The following CHEK1 variants were observed in gnomAD, a reference collection of about 807,000 sequenced individuals.
CHEK1 encodes the protein checkpoint kinase 1, also known as serine/threonine-protein kinase Chk1.
A neutral mutation model predicts 60.2 loss-of-function variants in CHEK1; 32 were observed. The observed-to-expected ratio is 0.53, with a 90% CI of 0.40 to 0.71. The LOEUF (loss-of-function observed/expected upper bound fraction) is 0.71, where lower values mean the gene tolerates loss of function less well. Ranked by LOEUF, CHEK1 falls within the 30% of genes least tolerant of loss-of-function variation. The probability of loss-of-function intolerance (pLI) is 0.00; values close to 1 mark genes in which losing one functional copy is unlikely to be tolerated. For synonymous variants in CHEK1, 179 were observed against 187.2 expected (o/e 0.96, Z 0.36); for missense variants, 399 against 564.6 (o/e 0.71, Z 2.97).
rs532120505 is a variant in CHEK1 at position 125,651,469 on chromosome 11, G to C, written c.1234-2277G>C. Among the ~76,000 whole-genome samples, 14 of 151,922 alleles carry C rather than the reference G, an allele frequency of 9.2e-5. No homozygotes were observed. In the South Asian group the frequency reaches 1.5e-3, roughly 16 times the overall value. ...CACCCTACTAATTTTTGTATTTTTAGTACAGACAGGGTTTCACCATGTTGG... is the reference window on the plus strand; with the variant it reads ...CACCCTACTAATTTTTGTATTTTTACTACAGACAGGGTTTCACCATGTTGG... On this transcript the variant is annotated intron_variant, in intron 11 of 12. Transcript: ENST00000438015.
chr11:125,641,320 T>G (rs560525706), intron 8 of CHEK1, among the ~76,000 whole-genome samples: 7 of 152,184 alleles, frequency 4.6e-5, no homozygotes, highest in Admixed American at 6.5e-5. Flanking sequence ...CTCTTTTCAG[T>G]CTCTTGATGG....
intron 1 of CHEK1, 40 bp downstream of exon 1, chr11:125,626,052 A>T (rs1050245386): frequency 4.1e-5 from 28 of 688,352 alleles, no homozygotes; most frequent in Admixed American, 2.6e-4. Context: ...AGGTTTCTAA[A>T]GAAGGAGTTC....
chr11:125,626,624 G>T, intron 1 of CHEK1, 125 bp from the exon 2 acceptor site: 1 of 752,036 alleles, frequency 1.3e-6, no homozygotes, highest in Non-Finnish European at 2.3e-6. Flanking sequence ...GATAAATGTG[G>T]ATGAGATAGA....
downstream of CHEK1, chr11:125,676,582 C>T: frequency 7.1e-7 from 1 of 1,404,534 alleles, no homozygotes; most frequent in Non-Finnish European, 9.9e-7. Context: ...ATGGATACTA[C>T]ACATTTATTT....
downstream of CHEK1, among the ~76,000 whole-genome samples, chr11:125,678,976 TATTATATA>T (rs1298683335): frequency 1.1e-4 from 2 of 18,496 alleles, no homozygotes; most frequent in African/African-American, 4.9e-4. Context: ...AGTCTAGGCA[TATTATATA>T]TATATATATA....
intron 13 of CHEK1, chr11:125,672,447 A>G (rs1031713492): frequency 1.6e-5 from 14 of 873,476 alleles, no homozygotes; most frequent in East Asian, 2.5e-5. Context: ...AGAAGAAGAA[A>G]GATAGGATGT....
At chr11:125,637,817 T>G (rs1270110067) in intron 8 of CHEK1, among the ~76,000 whole-genome samples, 1 of 152,184 alleles carries the variant, frequency 6.6e-6, no homozygotes, top group Non-Finnish European at 1.5e-5. Context: ...ATTTGAAGAT[T>G]AAAGGGAAGC....
intron 13 of CHEK1, among the ~76,000 whole-genome samples, chr11:125,662,455 C>T (rs535968672): frequency 2.6e-5 from 4 of 152,300 alleles, no homozygotes; most frequent in Middle Eastern, 6.8e-3. Flanking sequence ...GAGGGGAATA[C>T]GAGCATTCAG....
chr11:125,658,113 G>A (rs963828006), downstream of CHEK1, among the ~76,000 whole-genome samples: 2 of 152,070 alleles, frequency 1.3e-5, no homozygotes, highest in African/African-American at 4.8e-5. Flanking sequence ...TTGCTGCCCA[G>A]GCTGGAGAGC....
chr11:125,650,626 G>A (rs113437255), intron 11 of CHEK1, among the ~76,000 whole-genome samples: 19,153 of 151,712 alleles, frequency 0.13, 1,326 homozygotes, highest in East Asian at 0.2. Flanking sequence ...CTGGCTTTTT[G>A]TATTTTTATT....
At position 125,644,517 on chromosome 11, in the gene CHEK1, C is replaced by T. The variant is rs375980825; in HGVS notation, c.1107C>T (p.Pro369=). 4 of 1,613,630 alleles carry T rather than the reference C, an allele frequency of 2.5e-6. No homozygotes were observed. Among genetic ancestry groups the T allele is most frequent in the Non-Finnish European group, 3.4e-6 (4 of 1,179,932 alleles). ...GTCTTCTGTTTGACATGTAGAACCCCTGGCAGCGGTTGGTCAAAAGAATGA... is the reference window on the plus strand; with the variant it reads ...GTCTTCTGTTTGACATGTAGAACCCTTGGCAGCGGTTGGTCAAAAGAATGA... The part of the protein sequence containing the change: ...LLGTPGSSQN[P]WQRLVKRMTR... The change falls in exon 11 of 13, where the codon CCC becomes CCT. Residue 369 remains proline (P), a synonymous_variant. Transcript: ENST00000438015.
intron 5 of CHEK1, among the ~76,000 whole-genome samples, chr11:125,630,398 C>T (rs1273697221): frequency 6.6e-6 from 1 of 151,560 alleles, no homozygotes; most frequent in Non-Finnish European, 1.5e-5. Flanking sequence ...GTAACCTCTA[C>T]CTCTCTGGTT....
chr11:125,627,180 A>G (rs1007847169), intron 2 of CHEK1, among the ~76,000 whole-genome samples: 4 of 152,174 alleles, frequency 2.6e-5, no homozygotes, highest in Non-Finnish European at 5.9e-5. Flanking sequence ...ATCTTAGGCA[A>G]GCTTCTTAAT....
intron 2 of CHEK1, among the ~76,000 whole-genome samples, 162 bp from the exon 3 acceptor site, chr11:125,627,445 A>G (rs561846166): frequency 3.9e-5 from 6 of 152,210 alleles, no homozygotes; most frequent in African/African-American, 9.7e-5. Flanking sequence ...ACATTTTAGA[A>G]AAGAGTAGTG....
At chr11:125,627,967 A>T (rs1000841732) in intron 3 of CHEK1, 137 bp downstream of exon 3, 8 of 641,480 alleles carry the variant, frequency 1.2e-5, no homozygotes, top group African/African-American at 1.9e-5. Flanking sequence ...TCTTTAAAAA[A>T]TTTTTCCACC....
downstream of CHEK1, among the ~76,000 whole-genome samples, chr11:125,659,171 T>G (rs1415513529): frequency 1.3e-5 from 2 of 152,218 alleles, no homozygotes; most frequent in African/African-American, 4.8e-5. Context: ...CTCAAATGTT[T>G]TAATTATTTT....
At chr11:125,633,136 G>T in intron 5 of CHEK1, 27 bp from the exon 6 acceptor site, 1 of 1,543,018 alleles carries the variant, frequency 6.5e-7, no homozygotes, top group African/African-American at 1.4e-5. Flanking sequence ...TTTTTATTCA[G>T]TGTCATCTTT....
chr11:125,673,690 A>AAT (rs1169760953), intron 13 of CHEK1, among the ~76,000 whole-genome samples: 1 of 152,210 alleles, frequency 6.6e-6, no homozygotes, highest in Non-Finnish European at 1.5e-5. Context: ...GAAACTCATT[A>AAT]CTTTCCTCCC....
At chr11:125,645,480 C>G (rs541143941) in intron 11 of CHEK1, among the ~76,000 whole-genome samples, 1 of 152,064 alleles carries the variant, frequency 6.6e-6, no homozygotes, top group African/African-American at 2.4e-5. Context: ...CTAAAGAGGC[C>G]TGATAACTAA....
Sources: gnomAD v4.1 joint callset for allele counts (sites outside exome capture counted in the v4.1 genomes callset) on GRCh38, gnomAD v4.1.1 for gene constraint, MANE v1.5 for transcripts, NCBI Gene and HGNC (gene_info 2026-07-23, HGNC 2026-07-21) for gene names.